DSCAM: variants seen among roughly 807,000 people sequenced by gnomAD.
The protein encoded by DSCAM is cell adhesion molecule DSCAM.
In DSCAM, 47 loss-of-function variants were observed where a neutral mutation model predicts 217.7. The ratio of observed to expected loss-of-function variants is 0.22; its 90% CI spans 0.17 to 0.28. The LOEUF (loss-of-function observed/expected upper bound fraction) is 0.28, where lower values mean the gene tolerates loss of function less well. Among genes scored for constraint, DSCAM ranks in the 10% least tolerant of loss-of-function variants. The pLI is 1.00. For synonymous variants in DSCAM, 1,056 were observed against 1,015.3 expected (o/e 1.04, Z -0.76); for missense variants, 2,080 against 2,618.3 (o/e 0.79, Z 4.49).
chr21:40,657,678 G>C (rs1456911947), intron 3 of DSCAM, among the ~76,000 whole-genome samples: 1 of 152,148 alleles, frequency 6.6e-6, no homozygotes, highest in Non-Finnish European at 1.5e-5. Flanking sequence ...AATCTGATCA[G>C]GGAGTACCCC....
intron 3 of DSCAM, among the ~76,000 whole-genome samples, chr21:40,557,516 G>T (rs960712839): frequency 6.6e-6 from 1 of 151,968 alleles, no homozygotes; most frequent in African/African-American, 2.4e-5. Context: ...CACCGGGCCC[G>T]GCTAATTTTT....
intron 3 of DSCAM, among the ~76,000 whole-genome samples, chr21:40,587,513 AT>A (rs1451073464): frequency 6.6e-6 from 1 of 152,360 alleles, no homozygotes; most frequent in East Asian, 1.9e-4. Context: ...CATAGTCTTT[AT>A]CACAAAATGT....
chr21:40,813,026 G>A (rs1189756547), intron 1 of DSCAM, among the ~76,000 whole-genome samples: 1 of 152,224 alleles, frequency 6.6e-6, no homozygotes, highest in East Asian at 1.9e-4. Context: ...ACCAGGTGTT[G>A]AGTGAGTATA....
At chr21:40,453,440 C>T (rs1311263171) in intron 3 of DSCAM, among the ~76,000 whole-genome samples, 2 of 152,166 alleles carry the variant, frequency 1.3e-5, no homozygotes, top group Non-Finnish European at 1.5e-5. Flanking sequence ...GACTTTATGT[C>T]CTCAATGCAC....
chr21:40,533,617 C>T (rs1243610715), intron 3 of DSCAM, among the ~76,000 whole-genome samples: 1 of 93,432 alleles, frequency 1.1e-5, no homozygotes, highest in Admixed American at 1.2e-4. Context: ...ATCCATCCAT[C>T]CATCCATCCA....
chr21:40,353,805 T>A, intron 4 of DSCAM, 62 bp from the exon 5 acceptor site: 1 of 1,383,528 alleles, frequency 7.2e-7, no homozygotes. Flanking sequence ...CATTTAGAAT[T>A]GTAGGACTTC....
At chr21:40,287,295 C>T (rs2073840936) in intron 10 of DSCAM, among the ~76,000 whole-genome samples, 2 of 152,252 alleles carry the variant, frequency 1.3e-5, no homozygotes, top group South Asian at 2.1e-4. Context: ...TTGGTCATCT[C>T]ACCAGAGAGG....
intron 11 of DSCAM, among the ~76,000 whole-genome samples, chr21:40,229,970 C>T (rs185924609): frequency 1.3e-5 from 2 of 152,312 alleles, no homozygotes; most frequent in East Asian, 3.9e-4. Flanking sequence ...ATGAGAGTTG[C>T]TATTACTTAA....
At chr21:40,818,547 C>CAAAAAAAAAAAAAAA (rs60730859) in intron 1 of DSCAM, among the ~76,000 whole-genome samples, 3 of 41,854 alleles carry the variant, frequency 7.2e-5, no homozygotes, top group South Asian at 1.5e-3. Context: ...CTCCGTCTCA[C>CAAAAAAAAAAAAAAA]AAAAAAAAAA....
chr21:40,678,528 G>A (rs994887682), intron 3 of DSCAM, among the ~76,000 whole-genome samples: 10 of 152,054 alleles, frequency 6.6e-5, no homozygotes, highest in East Asian at 1.9e-4. Context: ...TCATATGGGC[G>A]CGTGTGGGTG....
intron 16 of DSCAM, among the ~76,000 whole-genome samples, chr21:40,162,822 G>A (rs905516864): frequency 4.6e-5 from 7 of 152,082 alleles, no homozygotes; most frequent in African/African-American, 1.7e-4. Flanking sequence ...TTTATTGCAA[G>A]TAATCACTTT....
intron 3 of DSCAM, among the ~76,000 whole-genome samples, chr21:40,417,571 G>A (rs2075384162): frequency 6.7e-6 from 1 of 150,296 alleles, no homozygotes; most frequent in East Asian, 2.0e-4. Flanking sequence ...TAGATATACA[G>A]AGCCATGTAT....
intron 3 of DSCAM, among the ~76,000 whole-genome samples, chr21:40,583,071 A>G (rs760728606): frequency 1.3e-5 from 2 of 152,224 alleles, no homozygotes; most frequent in African/African-American, 2.4e-5. Context: ...TGAATGAACT[A>G]TTGAAGAAAG....
At chr21:40,580,311 T>C (rs1218287635) in intron 3 of DSCAM, among the ~76,000 whole-genome samples, 1 of 151,994 alleles carries the variant, frequency 6.6e-6, no homozygotes, top group African/African-American at 2.4e-5. Context: ...GGTGGGTGGA[T>C]CACCTGAGGT....
At chr21:40,081,757 G>A (rs2089464119) in intron 24 of DSCAM, among the ~76,000 whole-genome samples, 1 of 152,302 alleles carries the variant, frequency 6.6e-6, no homozygotes, top group Admixed American at 6.5e-5. Context: ...GTGTCCATCA[G>A]TGTGGGCACA....
At chr21:40,780,423 G>GTGTGTGTGTGTATATATATATATA (rs1007015659) in intron 1 of DSCAM, among the ~76,000 whole-genome samples, 3 of 56,418 alleles carry the variant, frequency 5.3e-5, no homozygotes, top group African/African-American at 2.3e-4. Flanking sequence ...GTGTGTGTGT[G>GTGTGTGTGTGTATATATATATATA]TATATATATA....
intron 2 of DSCAM, among the ~76,000 whole-genome samples, chr21:40,703,605 TC>T (rs1367721638): frequency 7.2e-5 from 11 of 152,140 alleles, no homozygotes; most frequent in Admixed American, 2.0e-4. Flanking sequence ...TTATCTTTGT[TC>T]CTTTGTGTGT....
chr21:40,116,696 TAA>T (rs566636841), intron 20 of DSCAM, among the ~76,000 whole-genome samples: 1 of 142,936 alleles, frequency 7.0e-6, no homozygotes, highest in African/African-American at 2.6e-5. Context: ...TTTCCATTAT[TAA>T]AAAAAAAAAA....
intron 1 of DSCAM, among the ~76,000 whole-genome samples, chr21:40,764,885 G>A (rs956288656): frequency 5.3e-5 from 8 of 152,080 alleles, no homozygotes; most frequent in Non-Finnish European, 2.9e-5. Context: ...TCACTCACAA[G>A]TGGGAGTTGA....
Sources: allele counts gnomAD v4.1 joint callset (sites outside exome capture counted in the v4.1 genomes callset), GRCh38; gene constraint gnomAD v4.1.1; transcripts MANE v1.5; gene names NCBI Gene and HGNC (gene_info 2026-07-23, HGNC 2026-07-21).